The following PADI2 variants were observed in gnomAD, a reference collection of about 807,000 sequenced individuals.
PADI2 encodes peptidyl arginine deiminase 2.
In PADI2, 70 loss-of-function variants were observed where a neutral mutation model predicts 81.1. The observed-to-expected ratio is 0.86, with a 90% CI of 0.71 to 1.05. The LOEUF (loss-of-function observed/expected upper bound fraction) is 1.05, where lower values mean the gene tolerates loss of function less well. Ranked by LOEUF, PADI2 falls within the 50% of genes least tolerant of loss-of-function variation. The pLI, the probability that PADI2 is intolerant of heterozygous loss-of-function variation, is 0.00. For missense variants in PADI2, 853 were observed against 889.9 expected (o/e 0.96, Z 0.53); for synonymous variants, 338 against 358.0 (o/e 0.94, Z 0.63).
chr1:17,082,959 C>A (rs1245315903), intron 9 of PADI2: 1 of 235,862 alleles, frequency 4.2e-6, no homozygotes, highest in South Asian at 7.8e-5. Flanking sequence ...CAGCCTCAAA[C>A]TCCTGGGCTC....
Position 17,068,610 on chromosome 1 carries a change from C to T in PADI2, c.*434G>A, listed in dbSNP as rs549385407. 6 of 197,200 alleles carry T rather than the reference C, an allele frequency of 3.0e-5. No homozygotes were observed. Among genetic ancestry groups the T allele is most frequent in the South Asian group, 1.8e-4 (2 of 11,370 alleles). The allele number at this position is 197,200 out of a possible 1,614,324, so 12.2% of individuals were successfully genotyped here. A position where few individuals can be genotyped will look rare whatever the true frequency, so the allele number is the denominator to read the frequency against. Reference sequence around the variant, plus strand: ...GCAGTTCAAGATACGTCTAGGGTCCCGGGGTCCTGGGGTCCCTTTCCATGG... The same window carrying T: ...GCAGTTCAAGATACGTCTAGGGTCCTGGGGTCCTGGGGTCCCTTTCCATGG... On this transcript the variant is annotated 3_prime_UTR_variant, in exon 16 of 16. Coordinates refer to ENST00000375486, the MANE Select transcript of PADI2 (RefSeq NM_007365.3).
Position 17,068,728 on chromosome 1 carries a change from A to C in PADI2, c.*316T>G, listed in dbSNP as rs2078242871. ...CCCCTCATTCAGTGTCAGATTAGAG[A>C]CTCAAAATTCTTTGGGGAGCAGTTT... On this transcript the variant is annotated 3_prime_UTR_variant, in exon 16 of 16. Coordinates refer to ENST00000375486, the MANE Select transcript of PADI2 (RefSeq NM_007365.3). The C allele has an allele frequency of 3.0e-6, 1 of 331,198 alleles. No homozygotes were observed. The highest frequency in any genetic ancestry group is 5.7e-6 in the Non-Finnish European group (1 of 176,474). 20.5% of individuals were successfully genotyped at this position (331,198 alleles called of 1,614,324 possible).
chr1:17,103,067 G>T lies in PADI2; in HGVS notation c.277-8C>A. 1 of 1,608,268 alleles carries T rather than the reference G, an allele frequency of 6.2e-7. No individual in the cohort carries two copies. The highest frequency in any genetic ancestry group is 8.5e-7 in the Non-Finnish European group (1 of 1,175,044). On this transcript the variant is annotated splice_region_variant and splice_polypyrimidine_tract_variant and intron_variant, in intron 2 of 15. Transcript: ENST00000375486. ...ATAGTAGTTGACGGTGACCTTGGTG[G>T]GGAGGGGGCACATTGGAGTAGAGAG...
At chr1:17,099,685 A>G (rs1469276531) in intron 3 of PADI2, among the ~76,000 whole-genome samples, 1 of 152,200 alleles carries the variant, frequency 6.6e-6, no homozygotes, top group Non-Finnish European at 1.5e-5. Flanking sequence ...AACTTCACCC[A>G]GGCAGAGAGA....
chr1:17,110,998 A>C (rs1471687916), intron 1 of PADI2, among the ~76,000 whole-genome samples: 3 of 152,018 alleles, frequency 2.0e-5, no homozygotes, highest in African/African-American at 7.2e-5. Context: ...GAGCACTTAC[A>C]ATGTGCCAGG....
intron 1 of PADI2, among the ~76,000 whole-genome samples, chr1:17,111,680 C>G (rs1009475019): frequency 6.6e-6 from 1 of 152,196 alleles, no homozygotes; most frequent in South Asian, 2.1e-4. Context: ...TGGGCCCAGC[C>G]CCTGAGTTTC....
At chr1:17,104,843 C>T (rs745684280) in intron 2 of PADI2, 35 bp downstream of exon 2, 20 of 1,524,220 alleles carry the variant, frequency 1.3e-5, no homozygotes, top group Admixed American at 3.6e-5. Flanking sequence ...GGCATGGTCC[C>T]GGGCCCGCAG....
Position 17,075,798 on chromosome 1 carries a change from C to T in PADI2, c.1336G>A (p.Val446Met), listed in dbSNP as rs1264842291. 5 of 1,613,908 alleles carry T rather than the reference C, an allele frequency of 3.1e-6. No individual in the cohort carries two copies. In the Admixed American group the frequency reaches 5.0e-5, roughly 16 times the overall value. Residue 446 changes from valine to methionine, a missense_variant, in exon 12 of 16, where the codon GTG becomes ATG. Val to Met is a conservative substitution (Grantham distance 21, BLOSUM62 1). Transcript: ENST00000375486. ...PLSGGRRMTK[V>M]VRDFLKAQQV... Reference sequence around the variant, plus strand: ...TGGGCCTTCAGGAAGTCACGCACCACCTTGGTCATCCTCCGACCACCAGAC... The same window carrying T: ...TGGGCCTTCAGGAAGTCACGCACCATCTTGGTCATCCTCCGACCACCAGAC...
Position 17,097,834 on chromosome 1 carries a change from C to T in PADI2, c.350-1864G>A, listed in dbSNP as rs77312228. On this transcript the variant is annotated intron_variant, in intron 3 of 15. Transcript: ENST00000375486. ...CCTGGACCTTTGTGAACTTTCCAGC[C>T]GGTCACGTCCACTGAATGCTGCCTT... is the stretch of plus-strand genomic sequence containing the variant. Among the ~76,000 whole-genome samples, 71 of 152,228 alleles carry T rather than the reference C, an allele frequency of 4.7e-4. No individual in the cohort carries two copies. The East Asian group carries it at 0.011, about 25-fold the overall frequency.
At chr1:17,109,662 T>C (rs890621403) in intron 1 of PADI2, among the ~76,000 whole-genome samples, 2 of 151,796 alleles carry the variant, frequency 1.3e-5, no homozygotes, top group African/African-American at 4.8e-5. Context: ...GGCTAAATTT[T>C]GTATTTTTAG....
chr1:17,104,426 C>CTTTTTTTTTTTTTTTTTT (rs1233283967), intron 2 of PADI2, among the ~76,000 whole-genome samples: 1 of 98,294 alleles, frequency 1.0e-5, no homozygotes, highest in African/African-American at 3.8e-5. Context: ...TTCTTTTTGC[C>CTTTTTTTTTTTTTTTTTT]TTTTCTTTTT....
intron 6 of PADI2, among the ~76,000 whole-genome samples, chr1:17,088,892 G>A (rs1303054315): frequency 8.8e-6 from 1 of 113,858 alleles, no homozygotes; most frequent in Non-Finnish European, 1.6e-5. Flanking sequence ...GGGCGACAGA[G>A]CGAGACTCCA....
rs2078297939 is a variant in PADI2, at chr1:17,075,802, G to C, written c.1332C>G (p.Thr444=). The C allele has an allele frequency of 6.2e-7, 1 of 1,613,782 alleles. No individual in the cohort carries two copies. Among genetic ancestry groups the C allele is most frequent in the Admixed American group, 1.7e-5 (1 of 59,920 alleles). ...CCTTCAGGAAGTCACGCACCACCTT[G>C]GTCATCCTCCGACCACCAGACCTGG... ...SFPLSGGRRM[T]KVVRDFLKAQ... The change falls in exon 12 of 16, where the codon ACC becomes ACG. Residue 444 remains threonine (T), a synonymous_variant. Transcript: ENST00000375486.
At chr1:17,102,667 G>A (rs1931182808) in intron 3 of PADI2, among the ~76,000 whole-genome samples, 2 of 151,400 alleles carry the variant, frequency 1.3e-5, no homozygotes, top group South Asian at 4.2e-4. Flanking sequence ...CTCTTCTCCA[G>A]GCTGCAGGGG....
intron 13 of PADI2, 34 bp downstream of exon 13, chr1:17,074,822 C>T (rs766969953): frequency 2.3e-5 from 33 of 1,419,942 alleles, no homozygotes; most frequent in Non-Finnish European, 3.1e-5. Context: ...GCCTCCAGCT[C>T]GCCACTTCCT....
In PADI2 at chr1:17,082,528, G is replaced by A. The variant is rs1318090421; in HGVS notation, c.1158+17C>T. 6.8e-7 allele frequency: 1 copy of A among 1,470,018 alleles called. No individual in the cohort carries two copies. The highest frequency in any genetic ancestry group is 2.3e-5 in the East Asian group (1 of 44,192). The allele number at this position is 1,470,018 out of a possible 1,614,324, so 91.1% of individuals were successfully genotyped here. A position where few individuals can be genotyped will look rare whatever the true frequency, so the allele number is the denominator to read the frequency against. On this transcript the variant is annotated intron_variant, in intron 10 of 15. Transcript: ENST00000375486. ...CCAGGATCATGCTCCACCCGCAAGT[G>A]GCCCTCAGCATCTTACCAGGAGCTC...
chr1:17,079,845 A>G (rs1433919488), intron 10 of PADI2, among the ~76,000 whole-genome samples: 1 of 147,684 alleles, frequency 6.8e-6, no homozygotes, highest in Non-Finnish European at 1.5e-5. Context: ...CCCAGGCTGG[A>G]GTGCGGTGGC....
At chr1:17,117,555 A>G (rs1434228929) in intron 1 of PADI2, among the ~76,000 whole-genome samples, 1 of 152,046 alleles carries the variant, frequency 6.6e-6, no homozygotes, top group Non-Finnish European at 1.5e-5. Context: ...AGACAGGACA[A>G]GGGGAATCGT....
At chr1:17,117,880 C>T (rs1425992989) in intron 1 of PADI2, among the ~76,000 whole-genome samples, 1 of 152,188 alleles carries the variant, frequency 6.6e-6, no homozygotes, top group African/African-American at 2.4e-5. Flanking sequence ...CTCTTGCACC[C>T]CACCAGAGCC....
Sources: gnomAD v4.1 joint callset for allele counts (sites outside exome capture counted in the v4.1 genomes callset) on GRCh38, gnomAD v4.1.1 for gene constraint, MANE v1.5 for transcripts, NCBI Gene and HGNC (gene_info 2026-07-23, HGNC 2026-07-21) for gene names.